The following HEMK2 variants were observed in gnomAD, a reference collection of about 807,000 sequenced individuals.
The protein encoded by HEMK2 is methyltransferase HEMK2.
chr21:28,608,666 A>G, the HEMK2 span, among the ~76,000 whole-genome samples: 176 of 152,312 alleles, frequency 1.2e-3, 1 homozygote, highest in Admixed American at 9.3e-3. Flanking sequence ...GTAAGTTCTC[A>G]GCCATGCTCG....
At chr21:28,799,204 A>C in the HEMK2 span, among the ~76,000 whole-genome samples, 9 of 152,356 alleles carry the variant, frequency 5.9e-5, no homozygotes, top group South Asian at 1.9e-3. Flanking sequence ...TAATGGACTC[A>C]CAGTTCCACG....
the HEMK2 span, among the ~76,000 whole-genome samples, chr21:28,646,416 C>T: frequency 6.6e-6 from 1 of 152,262 alleles, no homozygotes; most frequent in South Asian, 2.1e-4. Flanking sequence ...TTAACATTTC[C>T]CTGAGAGTGG....
At chr21:28,823,055 G>C in the HEMK2 span, among the ~76,000 whole-genome samples, 2 of 152,188 alleles carry the variant, frequency 1.3e-5, no homozygotes, top group East Asian at 3.9e-4. Flanking sequence ...AAAAAAGTTG[G>C]TTCCTCCAGG....
At chr21:28,863,202 A>G in the HEMK2 span, among the ~76,000 whole-genome samples, 1 of 151,938 alleles carries the variant, frequency 6.6e-6, no homozygotes, top group South Asian at 2.1e-4. Flanking sequence ...TGGCTAGAAT[A>G]TAAGCAGGCA....
At chr21:28,835,083 C>A in the HEMK2 span, among the ~76,000 whole-genome samples, 1 of 152,098 alleles carries the variant, frequency 6.6e-6, no homozygotes, top group Non-Finnish European at 1.5e-5. Flanking sequence ...AGACAAAGGG[C>A]ATATAATCTT....
At chr21:28,868,779 T>A in the HEMK2 span, among the ~76,000 whole-genome samples, 2 of 152,238 alleles carry the variant, frequency 1.3e-5, no homozygotes, top group Non-Finnish European at 2.9e-5. Flanking sequence ...AGTCGTATTA[T>A]TAAAATACAT....
At chr21:28,880,623 A>G in the HEMK2 span, among the ~76,000 whole-genome samples, 1 of 152,000 alleles carries the variant, frequency 6.6e-6, no homozygotes, top group African/African-American at 2.4e-5. Flanking sequence ...GGTGCCTGTA[A>G]TCCCAGCTAC....
the HEMK2 span, among the ~76,000 whole-genome samples, chr21:28,850,856 GA>G: frequency 2.6e-5 from 4 of 152,128 alleles, no homozygotes; most frequent in Non-Finnish European, 5.9e-5. Context: ...TGATTATAGT[GA>G]ACTCCCCAAG....
the HEMK2 span, chr21:28,577,243 AG>A: frequency 6.6e-6 from 1 of 152,186 alleles, no homozygotes; most frequent in African/African-American, 2.4e-5. Flanking sequence ...ATCCAAGGCC[AG>A]GATCTTCTCA....
the HEMK2 span, among the ~76,000 whole-genome samples, chr21:28,617,391 T>C: frequency 6.6e-6 from 1 of 152,260 alleles, no homozygotes; most frequent in Non-Finnish European, 1.5e-5. Flanking sequence ...TATGTTATTT[T>C]GTGCTGATTT....
chr21:28,758,550 GAA>G, the HEMK2 span, among the ~76,000 whole-genome samples: 3 of 152,162 alleles, frequency 2.0e-5, no homozygotes, highest in Non-Finnish European at 1.5e-5. Flanking sequence ...GCACAAGAGA[GAA>G]CTATGAAGTT....
the HEMK2 span, among the ~76,000 whole-genome samples, chr21:28,665,332 T>A: frequency 3.0e-4 from 30 of 100,874 alleles, no homozygotes; most frequent in African/African-American, 1.6e-3. Flanking sequence ...TTATTTATAT[T>A]TCTTTTTTTT....
At chr21:28,661,041 C>T in the HEMK2 span, among the ~76,000 whole-genome samples, 1 of 151,958 alleles carries the variant, frequency 6.6e-6, no homozygotes, top group Non-Finnish European at 1.5e-5. Flanking sequence ...AAATATCTTA[C>T]CTTTCTCATC....
the HEMK2 span, among the ~76,000 whole-genome samples, chr21:28,721,985 T>C: frequency 6.6e-6 from 1 of 151,596 alleles, no homozygotes; most frequent in African/African-American, 2.4e-5. Context: ...AAAAATTACT[T>C]ATCAGTAAAT....
the HEMK2 span, among the ~76,000 whole-genome samples, chr21:28,828,645 T>C: frequency 2.6e-5 from 4 of 152,194 alleles, no homozygotes; most frequent in Non-Finnish European, 5.9e-5. Flanking sequence ...AATCCATCAT[T>C]ATCTGAAAGT....
the HEMK2 span, among the ~76,000 whole-genome samples, chr21:28,619,018 CCTTAA>C: frequency 6.6e-6 from 1 of 152,016 alleles, no homozygotes; most frequent in Non-Finnish European, 1.5e-5. Flanking sequence ...CTAGCGTAGG[CCTTAA>C]CTTAATATGA....
chr21:28,686,943 A>ATT, the HEMK2 span, among the ~76,000 whole-genome samples: 1 of 152,220 alleles, frequency 6.6e-6, no homozygotes, highest in East Asian at 1.9e-4. Context: ...GCCAAAGCCT[A>ATT]TTTCTAACAT....
At chr21:28,763,904 A>T in the HEMK2 span, among the ~76,000 whole-genome samples, 1 of 141,764 alleles carries the variant, frequency 7.1e-6, no homozygotes, top group African/African-American at 2.9e-5. Flanking sequence ...CTAGGGAGTT[A>T]ATGTATCCCT....
At chr21:28,648,006 G>C in the HEMK2 span, among the ~76,000 whole-genome samples, 1 of 152,318 alleles carries the variant, frequency 6.6e-6, no homozygotes, top group East Asian at 1.9e-4. Context: ...ACTTGAGAGT[G>C]TAATTACCAG....
Sources: gnomAD v4.1 joint callset for allele counts (sites outside exome capture counted in the v4.1 genomes callset) on GRCh38, gnomAD v4.1.1 for gene constraint, MANE v1.5 for transcripts, NCBI Gene and HGNC (gene_info 2026-07-23, HGNC 2026-07-21) for gene names.